Variants in BRD9 observed in about 807,000 individuals in gnomAD.
BRD9 encodes the protein bromodomain-containing protein 9.
A neutral mutation model predicts 68.7 loss-of-function variants in BRD9; 47 were observed. That is an observed-to-expected ratio of 0.68 (90% confidence interval 0.54 to 0.87). The LOEUF is 0.87. Among genes scored for constraint, BRD9 ranks in the 40% least tolerant of loss-of-function variants. BRD9 has a pLI of 0.00. For missense variants in BRD9, 670 were observed against 748.4 expected (o/e 0.90, Z 1.22); for synonymous variants, 313 against 293.9 (o/e 1.06, Z -0.67).
chr5:884,695 G>A (rs1166355020), intron 7 of BRD9, among the ~76,000 whole-genome samples: 1 of 152,280 alleles, frequency 6.6e-6, no homozygotes, highest in Admixed American at 6.5e-5. Context: ...GCCTGGGCAT[G>A]GGTCTGAGTG....
At chr5:892,564 G>A in intron 1 of BRD9, 42 bp downstream of exon 1, 5 of 1,530,750 alleles carry the variant, frequency 3.3e-6, no homozygotes, top group Non-Finnish European at 4.4e-6. Context: ...CCCCGTGCCC[G>A]GGACCCCGCC....
chr5:871,349 A>G (rs1327375046), intron 13 of BRD9, among the ~76,000 whole-genome samples, 177 bp downstream of exon 13: 1 of 152,254 alleles, frequency 6.6e-6, no homozygotes, highest in Non-Finnish European at 1.5e-5. Flanking sequence ...CTGCGGCTTC[A>G]CACCACTCAC....
chr5:892,779 G>C lies in BRD9; in HGVS notation c.-122C>G. 1 of 1,082,250 alleles carries C rather than the reference G, an allele frequency of 9.2e-7. No homozygotes were observed. Among genetic ancestry groups the C allele is most frequent in the Non-Finnish European group, 1.2e-6 (1 of 855,884 alleles). The allele number at this position is 1,082,250 out of a possible 1,614,324, so 67.0% of individuals were successfully genotyped here. A position where few individuals can be genotyped will look rare whatever the true frequency, so the allele number is the denominator to read the frequency against. On this transcript the variant is annotated 5_prime_UTR_variant, in exon 1 of 16. Transcript: ENST00000467963. Reference sequence around the variant, plus strand: ...GCGCTCGCTGCGCCGAGGTTGCCGAGCTCGCTGGGCCGCGCCGGAAACGGG... The same window carrying C: ...GCGCTCGCTGCGCCGAGGTTGCCGACCTCGCTGGGCCGCGCCGGAAACGGG...
intron 9 of BRD9, among the ~76,000 whole-genome samples, chr5:880,717 G>A (rs1751610134): frequency 6.6e-6 from 1 of 152,078 alleles, no homozygotes; most frequent in Admixed American, 6.5e-5. Flanking sequence ...TCATCTAACA[G>A]CTCTTCTAAG....
chr5:870,391 G>T, intron 14 of BRD9, 82 bp downstream of exon 14: 1 of 1,056,070 alleles, frequency 9.5e-7, no homozygotes, highest in Non-Finnish European at 1.5e-6. Flanking sequence ...AGTCAGGAAG[G>T]GAGAGGAGGT....
intron 7 of BRD9, among the ~76,000 whole-genome samples, 165 bp downstream of exon 7, chr5:886,427 G>T (rs1181895147): frequency 6.6e-6 from 1 of 152,154 alleles, no homozygotes. Flanking sequence ...GTGGGCAGGA[G>T]GGGCTGTCTG....
intron 4 of BRD9, 73 bp from the exon 5 acceptor site, chr5:889,238 A>T: frequency 3.4e-6 from 5 of 1,484,488 alleles, no homozygotes; most frequent in Non-Finnish European, 3.6e-6. Flanking sequence ...CAATCCAAAA[A>T]TTGGATACAA....
chr5:887,643 G>C (rs1182761317), intron 5 of BRD9, among the ~76,000 whole-genome samples, 172 bp from the exon 6 acceptor site: 1 of 152,210 alleles, frequency 6.6e-6, no homozygotes, highest in Non-Finnish European at 1.5e-5. Flanking sequence ...AGTTTTCTTA[G>C]TTGCACATTG....
chr5:874,719 A>T (rs754576093), intron 12 of BRD9, among the ~76,000 whole-genome samples: 2 of 152,268 alleles, frequency 1.3e-5, no homozygotes, highest in Non-Finnish European at 2.9e-5. Flanking sequence ...CAAAAGCAGC[A>T]AATGGAGCCC....
At position 891,209 on chromosome 5, in the gene BRD9, C is replaced by T; in HGVS notation, c.346G>A (p.Val116Met). The T allele has an allele frequency of 1.3e-6, 2 of 1,551,982 alleles. No homozygotes were observed. The highest frequency in any genetic ancestry group is 8.7e-7 in the Non-Finnish European group (1 of 1,147,098). ...EADDFDPGKK[V>M]EVEPPPDRPV... ...CGATCTGGGGGCGGCTCCACCTCCACCTTCTTCCCAGGATCAAAGTCGTCA... is the reference window on the plus strand; with the variant it reads ...CGATCTGGGGGCGGCTCCACCTCCATCTTCTTCCCAGGATCAAAGTCGTCA... The change falls in exon 3 of 16, where the codon GTG (valine) becomes ATG (methionine). Residue 116 changes from valine to methionine, a missense_variant. Transcript: ENST00000467963.
At position 889,013 on chromosome 5, in the gene BRD9, T is replaced by C; in HGVS notation, c.606+8A>G. The C allele has an allele frequency of 1.9e-6, 3 of 1,603,376 alleles. No homozygotes were observed. The highest frequency in any genetic ancestry group is 2.6e-6 in the Non-Finnish European group (3 of 1,176,072). On this transcript the variant is annotated splice_region_variant and intron_variant, in intron 5 of 15. Transcript: ENST00000467963. ...CCACGATTACTTCGGGCAATGAAAG[T>C]AACTTACCTTAAATTCCGTAACTGA...
intron 4 of BRD9, 50 bp downstream of exon 4, chr5:889,537 T>G: frequency 1.3e-6 from 2 of 1,594,120 alleles, no homozygotes; most frequent in East Asian, 2.2e-5. Context: ...TCAGAAAAGA[T>G]GACACCACAC....
In BRD9 at chr5:881,125, C is replaced by A; in HGVS notation, c.1024G>T (p.Ala342Ser). 2 of 1,614,092 alleles carry A rather than the reference C, an allele frequency of 1.2e-6. No individual in the cohort carries two copies. Among genetic ancestry groups the A allele is most frequent in the East Asian group, 4.5e-5 (2 of 44,876 alleles). The change falls in exon 9 of 16, where the codon GCC becomes TCC. Residue 342 changes from alanine (A) to serine (S), a missense_variant. By Grantham distance (99) the Ala-to-Ser change is moderately conservative. Around this residue, in one of 5 missense-constraint regions of BRD9, gnomAD observed 135 missense variants for 141.2 expected, o/e 0.96. Coordinates refer to ENST00000467963, the MANE Select transcript of BRD9 (RefSeq NM_023924.5). ...CACCCACCATCAGCGTCCGGCTCGG[C>A]CGTGTTGACCACGCTGTAGAGCAGG... ...GSLLYSVVNT[A>S]EPDADEEETH...
At position 892,750 on chromosome 5, in the gene BRD9, GC is replaced by G. The variant is rs1454115509; in HGVS notation, c.-94del. The G allele has an allele frequency of 7.7e-6, 9 of 1,170,446 alleles. No homozygotes were observed. The highest frequency in any genetic ancestry group is 9.7e-6 in the Non-Finnish European group (9 of 931,768). The allele number at this position is 1,170,446 out of a possible 1,614,324, so 72.5% of individuals were successfully genotyped here. On this transcript the variant is annotated 5_prime_UTR_variant, in exon 1 of 16. Transcript: ENST00000467963. ...CACCGCCCCCTGGCCCTGGCTGGCC[GC>G]CCGCGCTCGCTGCGCCGAGGTTGCC...
intron 1 of BRD9, 27 bp downstream of exon 1, chr5:892,579 G>C (rs1277475838): frequency 2.0e-6 from 3 of 1,533,470 alleles, no homozygotes; most frequent in East Asian, 5.2e-5. Context: ...CCCGCCCGCC[G>C]CGCGTCACAA....
At position 892,640 on chromosome 5, in the gene BRD9, C is replaced by T; in HGVS notation, c.18G>A (p.Lys6=). The T allele has an allele frequency of 6.7e-7, 1 of 1,486,544 alleles. No homozygotes were observed. The highest frequency in any genetic ancestry group is 1.3e-5 in the South Asian group (1 of 77,634). 92.1% of individuals were successfully genotyped at this position (1,486,544 alleles called of 1,614,324 possible). A position where few individuals can be genotyped will look rare whatever the true frequency, so the allele number is the denominator to read the frequency against. Residue 6 remains lysine (K), a synonymous_variant, in exon 1 of 16, where the codon AAG becomes AAA. Coordinates refer to ENST00000467963, the MANE Select transcript of BRD9 (RefSeq NM_023924.5). MGKKH[K]KHKAEWRSSY... Reference sequence around the variant, plus strand: ...ACGAGCGCCACTCGGCCTTGTGCTTCTTGTGCTTCTTGCCCATGGCGGCGC... The same window carrying T: ...ACGAGCGCCACTCGGCCTTGTGCTTTTTGTGCTTCTTGCCCATGGCGGCGC...
chr5:885,712 C>T (rs894866621), intron 7 of BRD9, among the ~76,000 whole-genome samples: 1 of 152,250 alleles, frequency 6.6e-6, no homozygotes, highest in African/African-American at 2.4e-5. Flanking sequence ...TGAGACTGCG[C>T]TCTCTGGGGC....
chr5:891,522 A>G, intron 2 of BRD9, 118 bp downstream of exon 2: 1 of 1,444,532 alleles, frequency 6.9e-7, no homozygotes. Context: ...TTTTGCTACC[A>G]ACGGAACACC....
intron 12 of BRD9, among the ~76,000 whole-genome samples, chr5:874,626 G>C (rs1196441598): frequency 6.6e-6 from 1 of 152,196 alleles, no homozygotes; most frequent in Non-Finnish European, 1.5e-5. Context: ...CAGTGACTGA[G>C]GACTTCAAAA....
Sources: gnomAD v4.1 joint callset for allele counts (sites outside exome capture counted in the v4.1 genomes callset) on GRCh38, gnomAD v4.1.1 for gene constraint, gnomAD v4.1.1 regional missense constraint, MANE v1.5 for transcripts, NCBI Gene and HGNC (gene_info 2026-07-23, HGNC 2026-07-21) for gene names.